Variants in DSCAM observed in about 807,000 individuals in gnomAD.
DSCAM encodes the protein DS cell adhesion molecule, also known as cell adhesion molecule DSCAM.
In DSCAM, 47 loss-of-function variants were observed where a neutral mutation model predicts 217.7. The ratio of observed to expected loss-of-function variants is 0.22; its 90% CI spans 0.17 to 0.28. The LOEUF (loss-of-function observed/expected upper bound fraction) is 0.28. Ranked by LOEUF, DSCAM falls within the 10% of genes least tolerant of loss-of-function variation. The pLI, the probability that DSCAM is intolerant of heterozygous loss-of-function variation, is 1.00. For missense variants in DSCAM, 2,080 were observed against 2,618.3 expected, an observed-to-expected ratio of 0.79 and a Z score of 4.49; for synonymous variants, 1,056 against 1,015.3, an observed-to-expected ratio of 1.04 and a Z score of -0.76.
At position 40,347,871 on chromosome 21, in the gene DSCAM, C is replaced by T. The variant is rs779220584; in HGVS notation, c.1009G>A (p.Val337Met). Residue 337 changes from valine to methionine, a missense_variant, in exon 6 of 33, where the codon GTG becomes ATG. Around this residue, in one of 5 missense-constraint regions of DSCAM, gnomAD observed 568 missense variants for 678.1 expected, o/e 0.84. Coordinates refer to ENST00000400454, the MANE Select transcript of DSCAM (RefSeq NM_001389.5). ...VGSQVSLSCS[V>M]TGTEDQELSW... ...AGTTCCTGGTCCTCAGTTCCTGTCA[C>T]GCTGCAGGACAAGGAAACTTGGCTA... is the stretch of plus-strand genomic sequence containing the variant. 9.3e-6 allele frequency: 15 copies of T among 1,613,920 alleles called. No individual in the cohort carries two copies. In the African/African-American group the frequency reaches 1.1e-4, roughly 11 times the overall value.
At chr21:40,833,108 C>T (rs2092025222) in intron 1 of DSCAM, among the ~76,000 whole-genome samples, 1 of 152,072 alleles carries the variant, frequency 6.6e-6, no homozygotes, top group Non-Finnish European at 1.5e-5. Context: ...AGGCAACACT[C>T]AGAAGGGAAA....
rs2088072804 is a variant in DSCAM at position 40,012,417 on chromosome 21, G to C, written c.*617C>G. 6.6e-6 allele frequency: 1 copy of C among 152,176 alleles called. No individual in the cohort carries two copies. The highest frequency in any genetic ancestry group is 1.5e-5 in the Non-Finnish European group (1 of 68,038). The allele number at this position is 152,176 out of a possible 1,614,324, so 9.4% of individuals were successfully genotyped here. A position where few individuals can be genotyped will look rare whatever the true frequency, so the allele number is the denominator to read the frequency against. On this transcript the variant is annotated 3_prime_UTR_variant, in exon 33 of 33. Transcript: ENST00000400454. ...CGAGAGAAGCAGACATGGAAATAAA[G>C]GCAGACAACCTTTTCTTTTTTATTT... is the stretch of plus-strand genomic sequence containing the variant.
chr21:40,645,747 C>T (rs2146349076), intron 3 of DSCAM, among the ~76,000 whole-genome samples: 1 of 152,156 alleles, frequency 6.6e-6, no homozygotes, highest in African/African-American at 2.4e-5. Context: ...TCTAAAAAAT[C>T]AAGTGGTTAT....
intron 3 of DSCAM, among the ~76,000 whole-genome samples, chr21:40,420,099 T>C (rs1262455505): frequency 6.6e-6 from 1 of 152,156 alleles, no homozygotes; most frequent in East Asian, 1.9e-4. Flanking sequence ...AGGATACCAA[T>C]TGTGATAGCT....
chr21:40,578,158 T>C (rs992831841), intron 3 of DSCAM, among the ~76,000 whole-genome samples: 16 of 152,292 alleles, frequency 1.1e-4, no homozygotes, highest in Non-Finnish European at 2.1e-4. Flanking sequence ...GAGTGCAGGC[T>C]AACACCGTCA....
At chr21:40,359,119 A>G (rs1337626099) in intron 4 of DSCAM, among the ~76,000 whole-genome samples, 1 of 152,218 alleles carries the variant, frequency 6.6e-6, no homozygotes, top group East Asian at 1.9e-4. Context: ...CAATAAAATC[A>G]CAAACAATGC....
intron 3 of DSCAM, among the ~76,000 whole-genome samples, chr21:40,475,842 T>TAAA (rs562226198): frequency 0.073 from 11,158 of 151,848 alleles, 813 homozygotes; most frequent in African/African-American, 0.18. Context: ...AATAAATAAA[T>TAAA]TAATAAATAA....
At position 40,705,661 on chromosome 21, in the gene DSCAM, A is replaced by G. The variant is rs191442084; in HGVS notation, c.361+2793T>C. On this transcript the variant is annotated intron_variant, in intron 2 of 32. Coordinates refer to ENST00000400454, the MANE Select transcript of DSCAM (RefSeq NM_001389.5). The stretch of plus-strand genomic sequence containing the variant: ...CTCGTGAGACTCACTCACTCTCACG[A>G]GAACAGAATGGGGGAAACTTACCCC... 2.2e-4 allele frequency among the ~76,000 whole-genome samples: 33 copies of G among 152,300 alleles called. 1 individual carries two copies. In the East Asian group the frequency reaches 5.8e-3, roughly 27 times the overall value.
At chr21:40,653,488 A>C (rs996915928) in intron 3 of DSCAM, among the ~76,000 whole-genome samples, 10 of 152,168 alleles carry the variant, frequency 6.6e-5, no homozygotes, top group African/African-American at 2.4e-4. Context: ...AGGACACAAG[A>C]GGCCAGAGGC....
At chr21:40,141,617 C>CA (rs1312203907) in intron 18 of DSCAM, among the ~76,000 whole-genome samples, 4 of 150,774 alleles carry the variant, frequency 2.7e-5, no homozygotes, top group Admixed American at 1.3e-4. Flanking sequence ...GACCCTGTCT[C>CA]AAAAAAAGAA....
intron 3 of DSCAM, among the ~76,000 whole-genome samples, chr21:40,595,928 T>A (rs1033536994): frequency 2.6e-5 from 4 of 152,216 alleles, no homozygotes; most frequent in African/African-American, 9.7e-5. Context: ...GGTAATGGGA[T>A]CCACAGGCGG....
At chr21:40,556,151 C>T (rs1235930016) in intron 3 of DSCAM, among the ~76,000 whole-genome samples, 4 of 152,102 alleles carry the variant, frequency 2.6e-5, no homozygotes, top group African/African-American at 4.8e-5. Flanking sequence ...AGGAAAGACA[C>T]GTCTAATAAT....
chr21:40,685,456 G>C (rs2090462891), intron 3 of DSCAM, among the ~76,000 whole-genome samples: 1 of 152,154 alleles, frequency 6.6e-6, no homozygotes, highest in African/African-American at 2.4e-5. Context: ...GTGCCTACGT[G>C]ACCTGCCCCC....
At chr21:40,682,880 G>A (rs1395895465) in intron 3 of DSCAM, among the ~76,000 whole-genome samples, 1 of 151,490 alleles carries the variant, frequency 6.6e-6, no homozygotes, top group Non-Finnish European at 1.5e-5. Flanking sequence ...CTGAGCACCT[G>A]TGTCACAAGA....
At chr21:40,017,460 C>A (rs1294580117) in intron 32 of DSCAM, among the ~76,000 whole-genome samples, 1 of 152,032 alleles carries the variant, frequency 6.6e-6, no homozygotes, top group African/African-American at 2.4e-5. Flanking sequence ...CTGGACTGGG[C>A]TCACTGAAAT....
At chr21:40,138,465 A>C (rs1325535656) in intron 18 of DSCAM, among the ~76,000 whole-genome samples, 1 of 98,214 alleles carries the variant, frequency 1.0e-5, no homozygotes, top group African/African-American at 4.0e-5. Context: ...TGTGTGGTGT[A>C]GTGTGTGGTG....
intron 3 of DSCAM, among the ~76,000 whole-genome samples, chr21:40,649,108 TAAGC>T (rs78042573): frequency 0.38 from 57,622 of 151,794 alleles, 11,709 homozygotes; most frequent in East Asian, 0.6. Flanking sequence ...GACCTCCCAT[TAAGC>T]TAATAGTCAT....
chr21:40,166,373 G>T (rs1011935273), intron 16 of DSCAM, among the ~76,000 whole-genome samples: 3 of 152,146 alleles, frequency 2.0e-5, no homozygotes, highest in Admixed American at 6.5e-5. Context: ...CTTTTGATTC[G>T]ATAATAACGT....
chr21:40,503,465 T>C (rs2076185929), intron 3 of DSCAM, among the ~76,000 whole-genome samples: 1 of 152,228 alleles, frequency 6.6e-6, no homozygotes, highest in East Asian at 1.9e-4. Flanking sequence ...GAGAAAACTT[T>C]ATTAACATGC....
Sources: allele counts gnomAD v4.1 joint callset (sites outside exome capture counted in the v4.1 genomes callset), GRCh38; gene constraint gnomAD v4.1.1; regional missense constraint gnomAD v4.1.1; transcripts MANE v1.5; gene names NCBI Gene and HGNC (gene_info 2026-07-23, HGNC 2026-07-21).